The following ADAMTS17 variants were observed in gnomAD, a reference collection of about 807,000 sequenced individuals.
The protein encoded by ADAMTS17 is ADAM metallopeptidase with thrombospondin type 1 motif 17.
A neutral mutation model predicts 141.5 loss-of-function variants in ADAMTS17; 113 were observed. The ratio of observed to expected loss-of-function variants is 0.80; its 90% CI spans 0.69 to 0.93. The LOEUF (loss-of-function observed/expected upper bound fraction) is 0.93, where lower values mean the gene tolerates loss of function less well. ADAMTS17 is among the 40% of genes least tolerant of loss of function. The pLI is 0.00. For missense variants in ADAMTS17, 1,659 were observed against 1,517.9 expected (o/e 1.09, Z -1.54); for synonymous variants, 768 against 630.6 (o/e 1.22, Z -3.27).
At chr15:100,115,396 T>G (rs1008461830) in intron 13 of ADAMTS17, among the ~76,000 whole-genome samples, 1 of 152,220 alleles carries the variant, frequency 6.6e-6, no homozygotes, top group African/African-American at 2.4e-5. Context: ...TGAATTCTGC[T>G]GGCGAGCTGA....
At chr15:100,062,382 G>A (rs911260217) in intron 15 of ADAMTS17, among the ~76,000 whole-genome samples, 42 of 152,226 alleles carry the variant, frequency 2.8e-4, no homozygotes, top group Admixed American at 2.6e-3. Flanking sequence ...GATACCCCAC[G>A]TGGGTGCTTG....
intron 14 of ADAMTS17, among the ~76,000 whole-genome samples, chr15:100,103,931 A>C (rs1220054151): frequency 6.6e-6 from 1 of 152,216 alleles, no homozygotes; most frequent in Non-Finnish European, 1.5e-5. Context: ...AGGGAAGCAC[A>C]GGTTAATGAG....
At chr15:100,068,334 T>C (rs1019205486) in intron 15 of ADAMTS17, among the ~76,000 whole-genome samples, 2 of 152,058 alleles carry the variant, frequency 1.3e-5, no homozygotes, top group African/African-American at 4.8e-5. Context: ...GGGCAGGGCA[T>C]AGCCAAACAA....
chr15:100,084,526 G>T (rs1358948665), intron 15 of ADAMTS17, among the ~76,000 whole-genome samples: 1 of 152,234 alleles, frequency 6.6e-6, no homozygotes, highest in Admixed American at 6.5e-5. Flanking sequence ...TGAGATCTGA[G>T]AACAGGCAGA....
At chr15:100,228,703 C>A (rs1329858059) in intron 7 of ADAMTS17, among the ~76,000 whole-genome samples, 1 of 152,232 alleles carries the variant, frequency 6.6e-6, no homozygotes, top group Non-Finnish European at 1.5e-5. Flanking sequence ...AACTCCTATT[C>A]TCTACCCCTC....
chr15:100,340,379 T>G (rs1170363343), intron 2 of ADAMTS17, among the ~76,000 whole-genome samples: 1 of 152,180 alleles, frequency 6.6e-6, no homozygotes, highest in Non-Finnish European at 1.5e-5. Flanking sequence ...GAATAGGGTT[T>G]ATCACCAATG....
chr15:100,038,585 ATGT>A (rs2030970332), intron 18 of ADAMTS17, among the ~76,000 whole-genome samples: 1 of 152,042 alleles, frequency 6.6e-6, no homozygotes, highest in Non-Finnish European at 1.5e-5. Flanking sequence ...ATTCTTTTTG[ATGT>A]TATTATAGGT....
chr15:100,133,465 A>G, intron 10 of ADAMTS17, 150 bp from the exon 11 acceptor site: 3 of 726,110 alleles, frequency 4.1e-6, no homozygotes, highest in Admixed American at 2.0e-5. Flanking sequence ...TATGTCCAAA[A>G]TATCAGTGCA....
chr15:100,072,932 A>G (rs974234633), intron 15 of ADAMTS17, among the ~76,000 whole-genome samples: 3 of 152,200 alleles, frequency 2.0e-5, no homozygotes, highest in African/African-American at 2.4e-5. Flanking sequence ...AAATTAAAGT[A>G]TAGGGCTTCT....
chr15:100,105,480 C>A (rs1021096993), intron 14 of ADAMTS17, among the ~76,000 whole-genome samples: 30 of 152,096 alleles, frequency 2.0e-4, no homozygotes, highest in African/African-American at 7.2e-4. Flanking sequence ...CATCTGGGAA[C>A]AGGAAGGCGT....
At chr15:100,134,106 C>T (rs573465207) in intron 10 of ADAMTS17, among the ~76,000 whole-genome samples, 1 of 152,238 alleles carries the variant, frequency 6.6e-6, no homozygotes, top group African/African-American at 2.4e-5. Context: ...TCTGAAGGAA[C>T]CACATGCAGA....
intron 8 of ADAMTS17, among the ~76,000 whole-genome samples, chr15:100,167,349 A>G (rs1240071840): frequency 6.6e-6 from 1 of 152,222 alleles, no homozygotes; most frequent in Non-Finnish European, 1.5e-5. Context: ...GTGGGCATTC[A>G]GAAAAGGGAG....
chr15:100,020,555 A>G (rs1198729833), intron 18 of ADAMTS17, among the ~76,000 whole-genome samples: 1 of 152,164 alleles, frequency 6.6e-6, no homozygotes, highest in East Asian at 1.9e-4. Context: ...AGCCATCAGG[A>G]GCCAGCCAGG....
intron 7 of ADAMTS17, among the ~76,000 whole-genome samples, chr15:100,205,856 G>A (rs527466553): frequency 6.6e-6 from 1 of 152,220 alleles, no homozygotes; most frequent in Admixed American, 6.5e-5. Context: ...CCAAGCCTCA[G>A]GGCCTGAAGG....
intron 15 of ADAMTS17, among the ~76,000 whole-genome samples, chr15:100,067,351 A>C (rs2033614581): frequency 6.6e-6 from 1 of 152,208 alleles, no homozygotes; most frequent in African/African-American, 2.4e-5. Flanking sequence ...CATCATTCTA[A>C]GTGTCGTTCC....
At chr15:100,012,820 T>C (rs2061213732) in intron 18 of ADAMTS17, among the ~76,000 whole-genome samples, 2 of 152,242 alleles carry the variant, frequency 1.3e-5, no homozygotes, top group South Asian at 2.1e-4. Flanking sequence ...GGTAGTGTGA[T>C]GCCTCCAGAT....
Position 100,331,917 on chromosome 15 carries a change from A to G in ADAMTS17, c.451-863T>C, listed in dbSNP as rs146061334. On this transcript the variant is annotated intron_variant, in intron 2 of 21. Coordinates refer to ENST00000268070, the MANE Select transcript of ADAMTS17 (RefSeq NM_139057.4). ...CACACTTGGAGAAACAGCACTCCCC[A>G]CCACACGCAGAGCTAACTCCAGTCT... Among the ~76,000 whole-genome samples, 245 of 152,240 alleles carry G rather than the reference A, an allele frequency of 1.6e-3. 2 individuals are homozygous for G. Among genetic ancestry groups the G allele is most frequent in the African/African-American group, 5.6e-3 (231 of 41,538 alleles).
chr15:100,098,032 G>A (rs1268917108), intron 14 of ADAMTS17, among the ~76,000 whole-genome samples: 1 of 152,216 alleles, frequency 6.6e-6, no homozygotes, highest in Non-Finnish European at 1.5e-5. Flanking sequence ...AAAGGGCAGA[G>A]CTTGAATAAA....
chr15:100,074,020 AAATAAT>A (rs1312970451), intron 15 of ADAMTS17: 7 of 152,300 alleles, frequency 4.6e-5, no homozygotes, highest in Non-Finnish European at 1.0e-4. Context: ...TTTTCAAGAT[AAATAAT>A]AATATCACAA....
Sources: gnomAD v4.1 joint callset for allele counts (sites outside exome capture counted in the v4.1 genomes callset) on GRCh38, gnomAD v4.1.1 for gene constraint, MANE v1.5 for transcripts, NCBI Gene and HGNC (gene_info 2026-07-23, HGNC 2026-07-21) for gene names.